Variants in SERGEF observed in about 807,000 individuals in gnomAD.
SERGEF encodes secretion-regulating guanine nucleotide exchange factor.
SERGEF carries 51 observed loss-of-function variants against 50.0 expected under a neutral mutation model. The observed-to-expected ratio is 1.02, with a 90% CI of 0.81 to 1.29. The LOEUF (loss-of-function observed/expected upper bound fraction) is 1.29, where lower values mean the gene tolerates loss of function less well. Among genes scored for constraint, SERGEF ranks in the 50% most tolerant of loss-of-function variants. The pLI, the probability that SERGEF is intolerant of heterozygous loss-of-function variation, is 0.00. For missense variants in SERGEF, 521 were observed against 557.0 expected (o/e 0.94, Z 0.65); for synonymous variants, 205 against 212.4 (o/e 0.97, Z 0.30).
At chr11:17,983,584 A>C (rs759269286) in intron 8 of SERGEF, among the ~76,000 whole-genome samples, 5 of 152,218 alleles carry the variant, frequency 3.3e-5, no homozygotes, top group Non-Finnish European at 7.3e-5. Flanking sequence ...AAATAAGTTC[A>C]AAGAAGTTGG....
At chr11:17,887,603 T>TAC (rs1851454636) in intron 9 of SERGEF, among the ~76,000 whole-genome samples, 1 of 152,226 alleles carries the variant, frequency 6.6e-6, no homozygotes, top group Non-Finnish European at 1.5e-5. Flanking sequence ...CTGGAACTCT[T>TAC]ACACTGCTGA....
At chr11:17,933,762 C>T (rs936195956) in intron 9 of SERGEF, among the ~76,000 whole-genome samples, 7 of 150,898 alleles carry the variant, frequency 4.6e-5, no homozygotes, top group Non-Finnish European at 8.9e-5. Flanking sequence ...TATAGATGGG[C>T]AAGTAGGAAA....
At chr11:17,897,858 C>A (rs1352526694) in intron 9 of SERGEF, among the ~76,000 whole-genome samples, 1 of 152,184 alleles carries the variant, frequency 6.6e-6, no homozygotes, top group African/African-American at 2.4e-5. Context: ...TCACAAAACA[C>A]ACCACTATAT....
chr11:17,980,319 T>C (rs1414848055), intron 8 of SERGEF, among the ~76,000 whole-genome samples: 1 of 152,198 alleles, frequency 6.6e-6, no homozygotes, highest in Non-Finnish European at 1.5e-5. Flanking sequence ...GCCACTCTCC[T>C]GCCTCCTGCT....
chr11:17,980,250 T>C (rs577142221), intron 8 of SERGEF, among the ~76,000 whole-genome samples: 1 of 152,316 alleles, frequency 6.6e-6, no homozygotes, highest in South Asian at 2.1e-4. Flanking sequence ...CTCAGGGATA[T>C]TCAGGAGGGA....
At chr11:17,877,959 C>T (rs999078551) in intron 10 of SERGEF, 12 of 404,908 alleles carry the variant, frequency 3.0e-5, no homozygotes. Flanking sequence ...TTAATATGCT[C>T]AAATGCCACT....
intron 8 of SERGEF, among the ~76,000 whole-genome samples, chr11:17,980,631 T>A (rs1313461213): frequency 6.6e-6 from 1 of 152,236 alleles, no homozygotes; most frequent in African/African-American, 2.4e-5. Context: ...GGTTAATCAT[T>A]CTTTTCACTT....
At chr11:17,875,783 C>T (rs940564941) in intron 10 of SERGEF, among the ~76,000 whole-genome samples, 7 of 152,200 alleles carry the variant, frequency 4.6e-5, no homozygotes, top group African/African-American at 1.4e-4. Context: ...ATTAAGGTTG[C>T]TTATACCCTT....
At chr11:17,832,917 A>G (rs548542377) in intron 10 of SERGEF, among the ~76,000 whole-genome samples, 10 of 152,336 alleles carry the variant, frequency 6.6e-5, no homozygotes, top group Non-Finnish European at 1.5e-4. Context: ...AAAATCATTC[A>G]GCTTTATAAG....
rs117137643 is a variant in SERGEF, at chr11:17,972,539, T to C, written c.845-12903A>G. Reference sequence around the variant, plus strand: ...TAATTAAGATATGTACACTGTTTTATAGAGATAATGCTATTGTGCATTTAA... The same window carrying C: ...TAATTAAGATATGTACACTGTTTTACAGAGATAATGCTATTGTGCATTTAA... On this transcript the variant is annotated intron_variant, in intron 8 of 10. Coordinates refer to ENST00000265965, the MANE Select transcript of SERGEF (RefSeq NM_012139.4). Among the ~76,000 whole-genome samples, 898 of 152,338 alleles carry C rather than the reference T, an allele frequency of 5.9e-3. 10 individuals carry two copies. Among genetic ancestry groups the C allele is most frequent in the Non-Finnish European group, 9.4e-3 (638 of 68,034 alleles).
rs1851386244 is a variant in SERGEF at position 17,884,155 on chromosome 11, G to A, written c.1012-5911C>T. 6.6e-6 allele frequency among the ~76,000 whole-genome samples: 1 copy of A among 152,210 alleles called. No homozygotes were observed. The highest frequency in any genetic ancestry group is 2.4e-5 in the African/African-American group (1 of 41,458). On this transcript the variant is annotated intron_variant, in intron 9 of 10. Transcript: ENST00000265965. The surrounding 1 kb of genome is among the most constrained non-coding windows in gnomAD (Gnocchi z 4.6). ...CAGCGAGGCCTGCTGATTGGTTCTCGCCGGGTGCCAATGAGCCCGGGCGCC... is the reference window on the plus strand; with the variant it reads ...CAGCGAGGCCTGCTGATTGGTTCTCACCGGGTGCCAATGAGCCCGGGCGCC...
At chr11:17,953,315 T>C (rs1222095661) in intron 9 of SERGEF, among the ~76,000 whole-genome samples, 2 of 152,216 alleles carry the variant, frequency 1.3e-5, no homozygotes, top group Admixed American at 6.5e-5. Context: ...TTCAGACAGA[T>C]AGGCATACTC....
intron 4 of SERGEF, among the ~76,000 whole-genome samples, chr11:18,001,066 T>C (rs909918492): frequency 6.6e-6 from 1 of 152,208 alleles, no homozygotes; most frequent in Non-Finnish European, 1.5e-5. Flanking sequence ...GCCAAACACC[T>C]ACCCCCAGTG....
At chr11:17,820,137 C>A (rs1238573528) in intron 10 of SERGEF, among the ~76,000 whole-genome samples, 1 of 152,110 alleles carries the variant, frequency 6.6e-6, no homozygotes, top group African/African-American at 2.4e-5. Flanking sequence ...AGCCACTGCA[C>A]CTGGCCCTAC....
At chr11:17,917,821 T>C (rs1852078110) in intron 9 of SERGEF, among the ~76,000 whole-genome samples, 1 of 152,230 alleles carries the variant, frequency 6.6e-6, no homozygotes, top group Admixed American at 6.5e-5. Flanking sequence ...TAAATCAGAT[T>C]CTGCATTTTA....
intron 6 of SERGEF, among the ~76,000 whole-genome samples, chr11:17,993,372 AATGTGTGTGC>A (rs1302074096): frequency 3.3e-5 from 5 of 152,160 alleles, no homozygotes; most frequent in Non-Finnish European, 5.9e-5. Context: ...TGTATGTAAA[AATGTGTGTGC>A]ATGTGTGTGT....
chr11:17,837,366 T>G (rs1277915955), intron 10 of SERGEF, among the ~76,000 whole-genome samples: 1 of 151,904 alleles, frequency 6.6e-6, no homozygotes, highest in East Asian at 1.9e-4. Context: ...GGTACAGGCC[T>G]GAAGTGTGAT....
intron 8 of SERGEF, among the ~76,000 whole-genome samples, chr11:17,963,211 A>G (rs1453813246): frequency 1.4e-5 from 2 of 148,046 alleles, no homozygotes; most frequent in African/African-American, 2.5e-5. Flanking sequence ...AAAAAAGTCA[A>G]AAGGCAGGAG....
chr11:17,855,679 C>A (rs1204362634), intron 10 of SERGEF: 3 of 152,100 alleles, frequency 2.0e-5, no homozygotes, highest in African/African-American at 4.8e-5. Context: ...TGAGTATTTT[C>A]GGACTGTGGC....
Sources: gnomAD v4.1 joint callset for allele counts (sites outside exome capture counted in the v4.1 genomes callset) on GRCh38, gnomAD v4.1.1 for gene constraint, Gnocchi (gnomAD v3.1) non-coding constraint, MANE v1.5 for transcripts, NCBI Gene and HGNC (gene_info 2026-07-23, HGNC 2026-07-21) for gene names.